Variants in PRELID2 observed in about 807,000 individuals in gnomAD.
The protein encoded by PRELID2 is PRELI domain containing 2.
A neutral mutation model predicts 28.4 loss-of-function variants in PRELID2; 25 were observed. That is an observed-to-expected ratio of 0.88 (90% CI 0.64 to 1.23). PRELID2 has a LOEUF of 1.23. PRELID2 is among the 50% of genes most tolerant of loss of function. PRELID2 has a pLI of 0.00. For synonymous variants in PRELID2, 76 were observed against 71.6 expected (o/e 1.06, Z -0.31); for missense variants, 201 against 214.4 (o/e 0.94, Z 0.39).
chr5:145,624,184 T>C (rs1002469108), intron 1 of PRELID2, among the ~76,000 whole-genome samples: 1 of 152,176 alleles, frequency 6.6e-6, no homozygotes, highest in Non-Finnish European at 1.5e-5. Flanking sequence ...GCATACCACC[T>C]TCCCAGAACC....
the PRELID2 span, among the ~76,000 whole-genome samples, chr5:145,430,634 G>A: frequency 6.6e-6 from 1 of 152,090 alleles, no homozygotes; most frequent in Non-Finnish European, 1.5e-5. Context: ...GTTTCTCATG[G>A]TACCATTTCT....
chr5:145,352,569 T>A, the PRELID2 span, among the ~76,000 whole-genome samples: 14 of 152,198 alleles, frequency 9.2e-5, no homozygotes, highest in Non-Finnish European at 1.5e-4. Context: ...CTGTGGAGGT[T>A]TCTGACATGG....
intron 1 of PRELID2, among the ~76,000 whole-genome samples, chr5:145,592,664 A>G (rs2149632199): frequency 6.6e-6 from 1 of 152,328 alleles, no homozygotes; most frequent in Non-Finnish European, 1.5e-5. Context: ...GATTCTTTCA[A>G]GAAGACAAAG....
intron 1 of PRELID2, among the ~76,000 whole-genome samples, chr5:145,691,942 T>A (rs540836569): frequency 1.3e-5 from 2 of 152,234 alleles, no homozygotes; most frequent in East Asian, 3.9e-4. Flanking sequence ...TTTGACCACC[T>A]TCTTCTTTTG....
intron 1 of PRELID2, among the ~76,000 whole-genome samples, chr5:145,832,516 T>C (rs376590293): frequency 2.6e-4 from 40 of 152,020 alleles, no homozygotes; most frequent in African/African-American, 9.7e-4. Context: ...CTGTATTACC[T>C]CAATAATCGT....
At chr5:145,602,584 A>G (rs1484291074) in intron 1 of PRELID2, among the ~76,000 whole-genome samples, 1 of 152,128 alleles carries the variant, frequency 6.6e-6, no homozygotes, top group East Asian at 1.9e-4. Context: ...AATAAAAGCC[A>G]AGAATTACTA....
rs1365517052 is a variant in PRELID2 at position 145,817,198 on chromosome 5, A to AAAATATATATATAT, written c.368+695_368+696insATATATATATATTT. Among the ~76,000 whole-genome samples the AAAATATATATATAT allele has an allele frequency of 1.5e-3, 104 of 69,914 alleles. 3 individuals are homozygous for AAAATATATATATAT. The highest frequency in any genetic ancestry group is 2.6e-3 in the Non-Finnish European group (79 of 30,480). 45.9% of individuals were successfully genotyped at this position (69,914 alleles called of 152,430 possible). The stretch of plus-strand genomic sequence containing the variant: ...AGAGCAAGACTGCATTTCAAAAAAA[A>AAAATATATATATAT]ATAAATAAATAAATAAAAAAAAATA... On this transcript the variant is annotated intron_variant, in intron 4 of 6. Transcript: ENST00000683046.
the PRELID2 span, among the ~76,000 whole-genome samples, chr5:145,416,273 G>T: frequency 2.0e-4 from 30 of 151,924 alleles, no homozygotes; most frequent in East Asian, 5.6e-3. Context: ...AATTCAAGAT[G>T]GATTAAAGAC....
At chr5:145,363,707 T>C in the PRELID2 span, among the ~76,000 whole-genome samples, 2 of 152,086 alleles carry the variant, frequency 1.3e-5, no homozygotes, top group Admixed American at 6.6e-5. Flanking sequence ...ATGACTATAA[T>C]CATCATCTGA....
intron 1 of PRELID2, among the ~76,000 whole-genome samples, chr5:145,586,076 G>A (rs1753151892): frequency 6.6e-6 from 1 of 151,990 alleles, no homozygotes; most frequent in Admixed American, 6.6e-5. Flanking sequence ...AGAAAACTGA[G>A]AGTTGATCCA....
At chr5:145,693,876 A>C (rs59638267) in intron 1 of PRELID2, among the ~76,000 whole-genome samples, 4,351 of 152,326 alleles carry the variant, frequency 0.029, 192 homozygotes, top group African/African-American at 0.095. Flanking sequence ...AATATATAAC[A>C]GTTGGGAAGA....
At chr5:145,724,600 A>AATAT (rs59677300) in intron 1 of PRELID2, among the ~76,000 whole-genome samples, 1,020 of 23,916 alleles carry the variant, frequency 0.043, 125 homozygotes, top group Non-Finnish European at 0.062. Context: ...GAAGTAAATA[A>AATAT]ATATATATAT....
rs3038407 is a variant in PRELID2, at chr5:145,790,891, G to GTATATATATA, written c.474+5541_474+5550dup. Among the ~76,000 whole-genome samples the GTATATATATA allele has an allele frequency of 3.2e-3, 453 of 141,386 alleles. 3 individuals are homozygous for GTATATATATA. Among genetic ancestry groups the GTATATATATA allele is most frequent in the East Asian group, 8.9e-3 (43 of 4,814 alleles). The allele number at this position is 141,386 out of a possible 152,430, so 92.8% of individuals were successfully genotyped here. ...ATTAATCCAGCAATTTCACTTCTGG[G>GTATATATATA]TATATATATATATATATATACCAAA... On this transcript the variant is annotated intron_variant, in intron 5 of 6. Coordinates refer to ENST00000683046, the MANE Select transcript of PRELID2 (RefSeq NM_205846.3).
chr5:145,508,670 G>A (rs1418814315), intron 1 of PRELID2, among the ~76,000 whole-genome samples: 1 of 152,152 alleles, frequency 6.6e-6, no homozygotes, highest in Non-Finnish European at 1.5e-5. Flanking sequence ...TCATGGTCCT[G>A]ACTCACTTGC....
intron 1 of PRELID2, among the ~76,000 whole-genome samples, chr5:145,590,953 T>C (rs1350326496): frequency 6.6e-6 from 1 of 151,334 alleles, no homozygotes; most frequent in East Asian, 1.9e-4. Context: ...AGGAAACGCA[T>C]GGATTCTTCA....
At chr5:145,637,339 C>T (rs1472772276) in intron 1 of PRELID2, among the ~76,000 whole-genome samples, 2 of 152,162 alleles carry the variant, frequency 1.3e-5, no homozygotes, top group African/African-American at 4.8e-5. Context: ...TGAAGCCATT[C>T]GTCCAGTGCC....
At chr5:145,277,484 G>A in the PRELID2 span, among the ~76,000 whole-genome samples, 14 of 152,034 alleles carry the variant, frequency 9.2e-5, no homozygotes, top group Admixed American at 7.2e-4. Flanking sequence ...CAGTGTTCCC[G>A]ATGATTCCAT....
At chr5:145,271,895 G>A in the PRELID2 span, among the ~76,000 whole-genome samples, 1 of 152,080 alleles carries the variant, frequency 6.6e-6, no homozygotes, top group Admixed American at 6.6e-5. Context: ...CATTTTATCA[G>A]TCTGTTTGAA....
At chr5:145,359,664 C>G in the PRELID2 span, among the ~76,000 whole-genome samples, 1 of 152,192 alleles carries the variant, frequency 6.6e-6, no homozygotes, top group East Asian at 1.9e-4. Flanking sequence ...AGGCTATGTA[C>G]TGGTACCACA....
Sources: gnomAD v4.1 joint callset for allele counts (sites outside exome capture counted in the v4.1 genomes callset) on GRCh38, gnomAD v4.1.1 for gene constraint, MANE v1.5 for transcripts, NCBI Gene and HGNC (gene_info 2026-07-23, HGNC 2026-07-21) for gene names.